Variants in NDST4 observed in about 807,000 individuals in gnomAD.
The protein encoded by NDST4 is N-heparan sulfate sulfotransferase 4.
A neutral mutation model predicts 100.8 loss-of-function variants in NDST4; 63 were observed. That is an observed-to-expected ratio of 0.62 (90% CI 0.51 to 0.77). The LOEUF is 0.77. NDST4 is among the 30% of genes least tolerant of loss of function. The pLI, the probability that NDST4 is intolerant of heterozygous loss-of-function variation, is 0.00. For missense variants in NDST4, 943 were observed against 1,018.4 expected, an observed-to-expected ratio of 0.93 and a Z score of 1.01; for synonymous variants, 377 against 361.8, an observed-to-expected ratio of 1.04 and a Z score of -0.48.
intron 4 of NDST4, among the ~76,000 whole-genome samples, chr4:114,953,290 T>C (rs754334424): frequency 1.3e-5 from 2 of 152,146 alleles, no homozygotes; most frequent in African/African-American, 2.4e-5. Context: ...CTTAGATTTA[T>C]ATAATTTTAG....
At chr4:115,044,911 C>T (rs1200089884) in intron 2 of NDST4, among the ~76,000 whole-genome samples, 1 of 151,494 alleles carries the variant, frequency 6.6e-6, no homozygotes, top group Non-Finnish European at 1.5e-5. Context: ...CAAATTTACA[C>T]ACACTAGATA....
chr4:114,941,493 C>A (rs1201543417), intron 4 of NDST4, among the ~76,000 whole-genome samples: 1 of 152,116 alleles, frequency 6.6e-6, no homozygotes, highest in Middle Eastern at 3.2e-3. Flanking sequence ...CTGCAGCTAT[C>A]ATTTTTTTTA....
intron 4 of NDST4, among the ~76,000 whole-genome samples, chr4:114,969,022 G>C (rs553902491): frequency 3.9e-5 from 6 of 152,298 alleles, no homozygotes; most frequent in African/African-American, 7.2e-5. Context: ...CACTGGTCTA[G>C]AGTCATGGCT....
At chr4:114,918,445 T>G (rs1725220231) in intron 6 of NDST4, among the ~76,000 whole-genome samples, 1 of 149,052 alleles carries the variant, frequency 6.7e-6, no homozygotes, top group South Asian at 2.2e-4. Flanking sequence ...TAATGCTAGA[T>G]GACCAGTTAG....
intron 2 of NDST4, among the ~76,000 whole-genome samples, chr4:115,057,625 C>T (rs72898629): frequency 0.038 from 5,737 of 151,780 alleles, 279 homozygotes; most frequent in African/African-American, 0.11. Context: ...CCATAGTACT[C>T]GAATGAGTGA....
Position 114,897,256 on chromosome 4 carries a change from C to G in NDST4, c.1537-26306G>C, listed in dbSNP as rs1439886834. ...TTTTCATCCCTATCTTCCCTCTAAC[C>G]CCTGGCAGGCATTGATCTTTTTGCT... On this transcript the variant is annotated intron_variant, in intron 6 of 13. Coordinates refer to ENST00000264363, the MANE Select transcript of NDST4 (RefSeq NM_022569.3). 3.9e-5 allele frequency among the ~76,000 whole-genome samples: 6 copies of G among 152,218 alleles called. No homozygotes were observed. The South Asian group carries it at 1.2e-3, about 32-fold the overall frequency.
In NDST4 at chr4:115,109,573, T is replaced by C. The variant is rs1209620181; in HGVS notation, c.-247+3871A>G. ...TAATTCACTAGAGTCATCACTTTTG[T>C]TTCTCAACAAAAGTCTCGCTTCTGT... On this transcript the variant is annotated intron_variant, in intron 1 of 13. Transcript: ENST00000264363. Among the ~76,000 whole-genome samples the C allele has an allele frequency of 1.2e-4, 18 of 151,960 alleles. 1 individual carries two copies. Among genetic ancestry groups the C allele is most frequent in the Admixed American group, 1.2e-3 (18 of 15,214 alleles).
intron 4 of NDST4, among the ~76,000 whole-genome samples, chr4:114,967,438 A>G (rs1726407783): frequency 1.3e-5 from 2 of 152,196 alleles, no homozygotes; most frequent in South Asian, 4.1e-4. Context: ...TTTCATTACA[A>G]AGCAATTACA....
chr4:115,029,693 T>C (rs1283079243), intron 2 of NDST4, among the ~76,000 whole-genome samples: 1 of 152,090 alleles, frequency 6.6e-6, no homozygotes, highest in Non-Finnish European at 1.5e-5. Context: ...ACACCTCAAA[T>C]GCCCATGGTG....
intron 1 of NDST4, among the ~76,000 whole-genome samples, chr4:115,090,807 T>C (rs1046987073): frequency 1.3e-5 from 2 of 152,078 alleles, no homozygotes; most frequent in African/African-American, 4.8e-5. Context: ...AACTGGGCTC[T>C]CAGGATGAGC....
intron 6 of NDST4, among the ~76,000 whole-genome samples, chr4:114,931,462 G>T (rs78976134): frequency 6.7e-6 from 1 of 149,872 alleles, no homozygotes; most frequent in East Asian, 1.9e-4. Flanking sequence ...AGTCAAAGAA[G>T]AAAAAAATTA....
intron 3 of NDST4, among the ~76,000 whole-genome samples, chr4:114,973,056 C>T (rs1183947180): frequency 2.0e-4 from 30 of 151,872 alleles, no homozygotes; most frequent in Non-Finnish European, 2.9e-5. Context: ...ATGAGGCAAA[C>T]CTTTGACACT....
At chr4:115,088,208 A>T (rs1729445314) in intron 1 of NDST4, among the ~76,000 whole-genome samples, 1 of 152,018 alleles carries the variant, frequency 6.6e-6, no homozygotes, top group Non-Finnish European at 1.5e-5. Context: ...GCTCAAAATT[A>T]TGCAGGGAGC....
At chr4:114,894,731 T>C (rs1724676109) in intron 6 of NDST4, among the ~76,000 whole-genome samples, 2 of 152,186 alleles carry the variant, frequency 1.3e-5, no homozygotes, top group South Asian at 4.1e-4. Context: ...ATAGGCTTTA[T>C]GTCTTCCTCT....
chr4:114,872,394 C>T (rs1724167117), intron 6 of NDST4, among the ~76,000 whole-genome samples: 1 of 151,924 alleles, frequency 6.6e-6, no homozygotes, highest in Non-Finnish European at 1.5e-5. Context: ...CAAACACAGG[C>T]ATATACGTCA....
intron 4 of NDST4, among the ~76,000 whole-genome samples, chr4:114,969,321 G>GAAAAAAAA (rs70964334): frequency 1.1e-5 from 1 of 90,720 alleles, no homozygotes; most frequent in African/African-American, 4.1e-5. Flanking sequence ...CTCAAAAAAA[G>GAAAAAAAA]AAAAAAAAAA....
chr4:115,019,383 C>A (rs982714021), intron 2 of NDST4, among the ~76,000 whole-genome samples: 6 of 151,880 alleles, frequency 4.0e-5, no homozygotes, highest in Non-Finnish European at 8.8e-5. Flanking sequence ...CAGGACATAC[C>A]CCAAAGAAAG....
intron 6 of NDST4, among the ~76,000 whole-genome samples, chr4:114,909,399 G>T (rs914516647): frequency 6.6e-6 from 1 of 151,946 alleles, no homozygotes; most frequent in Admixed American, 6.6e-5. Context: ...GGTGGCTCAC[G>T]CCTGTAATCC....
At chr4:115,053,123 A>G (rs1276262907) in intron 2 of NDST4, among the ~76,000 whole-genome samples, 5 of 152,308 alleles carry the variant, frequency 3.3e-5, no homozygotes, top group African/African-American at 1.2e-4. Context: ...GGGAGACATA[A>G]TGTATTGACT....
Sources: gnomAD v4.1 joint callset for allele counts (sites outside exome capture counted in the v4.1 genomes callset) on GRCh38, gnomAD v4.1.1 for gene constraint, MANE v1.5 for transcripts, NCBI Gene and HGNC (gene_info 2026-07-23, HGNC 2026-07-21) for gene names.